Variants in LRRC8C observed in about 807,000 individuals in gnomAD.
LRRC8C encodes volume-regulated anion channel subunit LRRC8C.
In LRRC8C, 20 loss-of-function variants were observed where a neutral mutation model predicts 55.3. The ratio of observed to expected loss-of-function variants is 0.36; its 90% confidence interval spans 0.25 to 0.53. The LOEUF (loss-of-function observed/expected upper bound fraction) is 0.53. LRRC8C is among the 20% of genes least tolerant of loss of function. LRRC8C has a pLI of 0.92. For synonymous variants in LRRC8C, 376 were observed against 360.7 expected (o/e 1.04, Z -0.48); for missense variants, 659 against 951.4 (o/e 0.69, Z 4.04).
intron 2 of LRRC8C, 151 bp from the exon 3 acceptor site, chr1:89,712,558 G>A (rs1439701825): frequency 4.8e-6 from 3 of 624,896 alleles, no homozygotes; most frequent in Non-Finnish European, 8.6e-6. Flanking sequence ...TATGAGCTAA[G>A]AATAAAATCT....
rs11316114 is a variant in LRRC8C at position 89,685,101 on chromosome 1, CTTTTTT to C, written c.-4-1349_-4-1344del. Among the ~76,000 whole-genome samples, 8 of 76,188 alleles carry C rather than the reference CTTTTTT, an allele frequency of 1.1e-4. No individual in the cohort carries two copies. The East Asian group carries it at 1.9e-3, about 18-fold the overall frequency. 50.0% of individuals were successfully genotyped at this position (76,188 alleles called of 152,430 possible). Reference sequence around the variant, plus strand: ...TGGGATGTTTATTGTCTATCTAGTTCTTTTTTTTTTTTTTTTTTTTTTTTTGAGACG... The same window carrying C: ...TGGGATGTTTATTGTCTATCTAGTTCTTTTTTTTTTTTTTTTTTTGAGACG... On this transcript the variant is annotated intron_variant, in intron 1 of 2. Transcript: ENST00000370454.
At chr1:89,690,831 C>T (rs537669080) in intron 2 of LRRC8C, among the ~76,000 whole-genome samples, 3 of 152,300 alleles carry the variant, frequency 2.0e-5, no homozygotes, top group African/African-American at 7.2e-5. Context: ...TCTTACCTCG[C>T]ACAATCAGTG....
chr1:89,704,878 A>T (rs1384199466), intron 2 of LRRC8C, among the ~76,000 whole-genome samples: 1 of 152,018 alleles, frequency 6.6e-6, no homozygotes, highest in Admixed American at 6.5e-5. Context: ...TTCCTCAGGG[A>T]TCTAGAACTA....
In LRRC8C at chr1:89,656,348, G is replaced by A. The variant is rs140670053; in HGVS notation, c.-5+23026G>A. ...CATCGGGTCTAACTGCCTGTCAGGT[G>A]TGGGGTGGGGATGGGCCCTTGCTCT... On this transcript the variant is annotated intron_variant, in intron 1 of 2. Coordinates refer to ENST00000370454, the MANE Select transcript of LRRC8C (RefSeq NM_032270.5). Among the ~76,000 whole-genome samples, 429 of 152,330 alleles carry A rather than the reference G, an allele frequency of 2.8e-3. 1 individual carries two copies. The highest frequency in any genetic ancestry group is 9.9e-3 in the African/African-American group (413 of 41,578).
At chr1:89,633,611 G>T (rs1452799657) in intron 1 of LRRC8C, among the ~76,000 whole-genome samples, 3 of 152,094 alleles carry the variant, frequency 2.0e-5, no homozygotes, top group Admixed American at 1.3e-4. Context: ...GCAGCGGCAG[G>T]TCCTGCAGAC....
chr1:89,656,635 A>G (rs1159120833), intron 1 of LRRC8C, among the ~76,000 whole-genome samples: 4 of 152,198 alleles, frequency 2.6e-5, no homozygotes, highest in African/African-American at 9.7e-5. Context: ...AGTTACAGAT[A>G]ATTGATTGGG....
intron 1 of LRRC8C, among the ~76,000 whole-genome samples, chr1:89,643,447 A>G (rs1286130517): frequency 2.0e-5 from 3 of 152,236 alleles, no homozygotes; most frequent in Non-Finnish European, 4.4e-5. Flanking sequence ...AAGTGTCTCA[A>G]TGTGTATAGT....
chr1:89,697,345 A>C (rs1177624194), intron 2 of LRRC8C, among the ~76,000 whole-genome samples: 6 of 152,210 alleles, frequency 3.9e-5, no homozygotes, highest in Admixed American at 3.9e-4. Flanking sequence ...CTGTTCATAC[A>C]TCGAAGATAA....
At chr1:89,653,933 G>A (rs1005156330) in intron 1 of LRRC8C, among the ~76,000 whole-genome samples, 1 of 152,154 alleles carries the variant, frequency 6.6e-6, no homozygotes, top group African/African-American at 2.4e-5. Flanking sequence ...ACCCGCACTT[G>A]TATGTTTATT....
At chr1:89,656,937 T>G (rs1008503244) in intron 1 of LRRC8C, among the ~76,000 whole-genome samples, 1 of 152,202 alleles carries the variant, frequency 6.6e-6, no homozygotes, top group African/African-American at 2.4e-5. Context: ...TACTGCCGGC[T>G]ACTTATCCAA....
rs111504372 is a variant in LRRC8C at position 89,665,580 on chromosome 1, ATG to A, written c.-4-20886_-4-20885del. Among the ~76,000 whole-genome samples the A allele has an allele frequency of 3.5e-4, 54 of 152,358 alleles. 1 individual carries two copies. Among genetic ancestry groups the A allele is most frequent in the African/African-American group, 1.3e-3 (52 of 41,590 alleles). ...AAATATATTTTTGCGCAGCTATAAA[ATG>A]TGTTTGTGTTTTAAGCCAAATGTTA... On this transcript the variant is annotated intron_variant, in intron 1 of 2. Transcript: ENST00000370454.
upstream of LRRC8C, among the ~76,000 whole-genome samples, chr1:89,628,360 A>T (rs1239963527): frequency 6.6e-6 from 1 of 152,144 alleles, no homozygotes; most frequent in Non-Finnish European, 1.5e-5. Flanking sequence ...CAGAATGAAG[A>T]CCCCAAGATA....
chr1:89,671,636 A>G (rs975127082), intron 1 of LRRC8C, among the ~76,000 whole-genome samples: 5 of 152,204 alleles, frequency 3.3e-5, no homozygotes, highest in African/African-American at 1.2e-4. Flanking sequence ...TGTCATGAGA[A>G]TTTTGTGAAC....
chr1:89,686,397 GC>G, intron 1 of LRRC8C, 72 bp from the exon 2 acceptor site: 1 of 1,528,760 alleles, frequency 6.5e-7, no homozygotes. Flanking sequence ...AGGAGTTGGA[GC>G]CACATTTGGT....
intron 1 of LRRC8C, among the ~76,000 whole-genome samples, chr1:89,664,094 TTTTGTTTG>T: frequency 6.6e-6 from 1 of 152,198 alleles, no homozygotes; most frequent in South Asian, 2.1e-4. Flanking sequence ...CTGATAACAG[TTTTGTTTG>T]TTTGTTTGTT....
At chr1:89,663,934 T>C (rs1300682549) in intron 1 of LRRC8C, among the ~76,000 whole-genome samples, 1 of 152,220 alleles carries the variant, frequency 6.6e-6, no homozygotes, top group Non-Finnish European at 1.5e-5. Flanking sequence ...GTTTAAGAAG[T>C]GTCTGTTCAT....
the LRRC8C span, among the ~76,000 whole-genome samples, chr1:89,617,961 T>A: frequency 2.0e-5 from 3 of 152,170 alleles, no homozygotes; most frequent in Non-Finnish European, 4.4e-5. Flanking sequence ...GCACACACTC[T>A]CTTGGTATAA....
chr1:89,661,816 T>C (rs753453808), intron 1 of LRRC8C, among the ~76,000 whole-genome samples: 8 of 152,124 alleles, frequency 5.3e-5, no homozygotes, highest in Non-Finnish European at 8.8e-5. Flanking sequence ...GGCTGAGATA[T>C]GGTGTGATAT....
rs1343083481 is a variant in LRRC8C at position 89,714,296 on chromosome 1, G to A, written c.1726G>A (p.Gly576Ser). 1.2e-6 allele frequency: 2 copies of A among 1,613,958 alleles called. No homozygotes were observed. The highest frequency in any genetic ancestry group is 1.6e-4 in the Middle Eastern group (1 of 6,084). The change falls in exon 3 of 3, where the codon GGC (glycine) becomes AGC (serine). Residue 576 changes from glycine (G) to serine (S), a missense_variant. Physicochemically the swap from Gly to Ser is moderately conservative, Grantham distance 56 (BLOSUM62 0). This residue lies in a region of LRRC8C where 344 missense variants were observed against 464.6 expected (regional missense o/e 0.74). Coordinates refer to ENST00000370454, the MANE Select transcript of LRRC8C (RefSeq NM_032270.5). The surrounding 1 kb of genome is among the most constrained non-coding windows in gnomAD (Gnocchi z 4.6). ...HLQKMCIHND[G>S]TKLVMLNNLK... ...CCAGAAGATGTGCATACATAATGAT[G>A]GCACCAAGCTGGTGATGCTCAACAA... is the stretch of plus-strand genomic sequence containing the variant.
Sources: allele counts gnomAD v4.1 joint callset (sites outside exome capture counted in the v4.1 genomes callset), GRCh38; gene constraint gnomAD v4.1.1; regional missense constraint gnomAD v4.1.1; non-coding constraint Gnocchi (gnomAD v3.1); transcripts MANE v1.5; gene names NCBI Gene and HGNC (gene_info 2026-07-23, HGNC 2026-07-21).